Variants in ANK3 observed in about 807,000 individuals in gnomAD.
The protein encoded by ANK3 is ankyrin 3.
ANK3 carries 57 observed loss-of-function variants against 370.9 expected under a neutral mutation model. That is an observed-to-expected ratio of 0.15 (90% confidence interval 0.12 to 0.19). ANK3 has a LOEUF of 0.19. Among genes scored for constraint, ANK3 ranks in the 10% least tolerant of loss-of-function variants. The pLI is 1.00. For missense variants in ANK3, 4,439 were observed against 5,302.1 expected (o/e 0.84, Z 5.06); for synonymous variants, 1,929 against 1,946.3 (o/e 0.99, Z 0.23).
intron 28 of ANK3, among the ~76,000 whole-genome samples, chr10:60,100,599 A>G (rs2091082274): frequency 1.3e-5 from 2 of 152,196 alleles, no homozygotes; most frequent in African/African-American, 4.8e-5. Flanking sequence ...GTAACTATTC[A>G]ATCTAAAATG....
chr10:60,622,587 G>A (rs551400665), intron 1 of ANK3, among the ~76,000 whole-genome samples: 1 of 152,238 alleles, frequency 6.6e-6, no homozygotes, highest in East Asian at 1.9e-4. Context: ...GAGGACAGGA[G>A]CTACTGTTGT....
chr10:60,187,929 GTTT>G (rs1008823655), intron 16 of ANK3, among the ~76,000 whole-genome samples: 1 of 152,040 alleles, frequency 6.6e-6, no homozygotes, highest in African/African-American at 2.4e-5. Flanking sequence ...CCTCCATGAG[GTTT>G]TTTATTTCTT....
At chr10:60,718,511 G>A (rs16915422) in intron 1 of ANK3, among the ~76,000 whole-genome samples, 6,113 of 151,674 alleles carry the variant, frequency 0.04, 162 homozygotes, top group South Asian at 0.07. Flanking sequence ...CTTAATTTTG[G>A]GCTTCAAACA....
At chr10:60,638,858 T>C (rs901133393) in intron 1 of ANK3, among the ~76,000 whole-genome samples, 1 of 151,984 alleles carries the variant, frequency 6.6e-6, no homozygotes, top group Non-Finnish European at 1.5e-5. Flanking sequence ...AGAAAGATGA[T>C]TGAAAACGTG....
At chr10:60,497,358 T>C (rs1567093488) in intron 2 of ANK3, among the ~76,000 whole-genome samples, 1 of 152,204 alleles carries the variant, frequency 6.6e-6, no homozygotes, top group Non-Finnish European at 1.5e-5. Flanking sequence ...CTTAATAGCA[T>C]AGTCAGAATA....
chr10:60,428,520 C>A (rs950707454), intron 2 of ANK3, among the ~76,000 whole-genome samples: 2 of 152,316 alleles, frequency 1.3e-5, no homozygotes, highest in South Asian at 4.1e-4. Context: ...CATCACTACA[C>A]CATGACATCG....
At position 60,068,891 on chromosome 10, in the gene ANK3, A is replaced by G. The variant is rs370147674; in HGVS notation, c.11990T>C (p.Ile3997Thr). Residue 3997 changes from isoleucine (I) to threonine (T), a missense_variant, in exon 37 of 44, where the codon ATT becomes ACT. Coordinates refer to ENST00000280772, the MANE Select transcript of ANK3 (RefSeq NM_020987.5). ...ACCACTAATTCCCTTAAAATATTCA[A>G]TGGAATGTTTACATACTTCCTTGAG... ...SQLKEVCKHS[I>T]EYFKGISGET... The G allele has an allele frequency of 3.1e-6, 5 of 1,614,058 alleles. No individual in the cohort carries two copies. The highest frequency in any genetic ancestry group is 4.2e-6 in the Non-Finnish European group (5 of 1,180,006).
intron 1 of ANK3, among the ~76,000 whole-genome samples, chr10:60,618,991 G>A (rs1316219922): frequency 6.6e-6 from 1 of 151,986 alleles, no homozygotes; most frequent in Admixed American, 6.6e-5. Flanking sequence ...CATAATCAAA[G>A]TTGACCCTAT....
intron 8 of ANK3, among the ~76,000 whole-genome samples, chr10:60,223,926 T>TA (rs2097099865): frequency 6.6e-6 from 1 of 150,534 alleles, no homozygotes; most frequent in African/African-American, 2.5e-5. Context: ...TTCATTTCCC[T>TA]AAAATTAGAG....
At chr10:60,196,327 G>T in intron 15 of ANK3, 84 bp from the exon 16 acceptor site, 1 of 1,254,538 alleles carries the variant, frequency 8.0e-7, no homozygotes, top group Non-Finnish European at 1.1e-6. Flanking sequence ...AATTAGATTG[G>T]ATACGACATA....
At chr10:60,044,538 C>T (rs2076633187) in intron 42 of ANK3, 1 of 157,092 alleles carries the variant, frequency 6.4e-6, no homozygotes, top group African/African-American at 2.4e-5. Flanking sequence ...AGCATTAAAC[C>T]TCAAGTATGT....
chr10:60,673,774 T>C (rs568094994), intron 1 of ANK3, among the ~76,000 whole-genome samples: 10 of 152,368 alleles, frequency 6.6e-5, no homozygotes, highest in Non-Finnish European at 1.2e-4. Flanking sequence ...TCTCCTTCCT[T>C]CTGCACTCTT....
intron 1 of ANK3, among the ~76,000 whole-genome samples, chr10:60,332,333 A>T (rs1001344995): frequency 1.3e-5 from 2 of 152,252 alleles, no homozygotes; most frequent in African/African-American, 2.4e-5. Context: ...CAATGTGTCA[A>T]GAAAATAGGA....
intron 2 of ANK3, among the ~76,000 whole-genome samples, chr10:60,511,573 T>C (rs2076080838): frequency 6.6e-6 from 1 of 152,150 alleles, no homozygotes; most frequent in South Asian, 2.1e-4. Flanking sequence ...AAAGGATTAT[T>C]TTATGCAAGT....
chr10:60,719,903 A>C (rs926801291), intron 1 of ANK3, among the ~76,000 whole-genome samples: 2 of 152,198 alleles, frequency 1.3e-5, no homozygotes, highest in Non-Finnish European at 2.9e-5. Context: ...GATCACTGGA[A>C]TCTTCATAGA....
intron 2 of ANK3, among the ~76,000 whole-genome samples, chr10:60,419,062 T>G (rs1284214680): frequency 1.6e-4 from 24 of 152,204 alleles, no homozygotes; most frequent in Admixed American, 1.6e-3. Flanking sequence ...TTGATTGTCT[T>G]AAATGGCTAA....
intron 42 of ANK3, among the ~76,000 whole-genome samples, chr10:60,046,454 G>C (rs2076982764): frequency 6.6e-6 from 1 of 152,024 alleles, no homozygotes; most frequent in African/African-American, 2.4e-5. Flanking sequence ...TCTTTTTGTG[G>C]GAAAAGATGT....
At chr10:60,695,135 T>A (rs2079425859) in intron 1 of ANK3, among the ~76,000 whole-genome samples, 1 of 151,392 alleles carries the variant, frequency 6.6e-6, no homozygotes, top group African/African-American at 2.4e-5. Context: ...CCAACAAAGA[T>A]CAAAAGAGAC....
rs1049862 is a variant in ANK3 at position 60,029,514 on chromosome 10, G to A, written c.*332C>T. The A allele has an allele frequency of 0.36, 55,018 of 152,434 alleles. 12,436 individuals carry two copies. Among genetic ancestry groups the A allele is most frequent in the Non-Finnish European group, 0.51 (34,860 of 67,952 alleles). The allele number at this position is 152,434 out of a possible 1,614,324, so 9.4% of individuals were successfully genotyped here. A position where few individuals can be genotyped will look rare whatever the true frequency, so the allele number is the denominator to read the frequency against. ...TCTCCTTCTGTCCCTTCTGATGGCA[G>A]GAATTTCTTCCTTTTGTAAATGACA... is the stretch of plus-strand genomic sequence containing the variant. On this transcript the variant is annotated 3_prime_UTR_variant, in exon 44 of 44. Coordinates refer to ENST00000280772, the MANE Select transcript of ANK3 (RefSeq NM_020987.5).
Sources: allele counts gnomAD v4.1 joint callset (sites outside exome capture counted in the v4.1 genomes callset), GRCh38; gene constraint gnomAD v4.1.1; transcripts MANE v1.5; gene names NCBI Gene and HGNC (gene_info 2026-07-23, HGNC 2026-07-21).